The following RBFOX1 variants were observed in gnomAD, a reference collection of about 807,000 sequenced individuals.
RBFOX1 encodes RNA binding fox-1 homolog 1, also known as RNA binding protein fox-1 homolog 1.
Under a neutral mutation model 57.7 loss-of-function variants are expected in RBFOX1, and 8 were observed. The observed-to-expected ratio is 0.14, with a 90% confidence interval of 0.08 to 0.25. The LOEUF is 0.25. Ranked by LOEUF, RBFOX1 falls within the 10% of genes least tolerant of loss-of-function variation. RBFOX1 has a pLI of 1.00. For synonymous variants in RBFOX1, 326 were observed against 222.4 expected, an observed-to-expected ratio of 1.47 and a Z score of -4.15; for missense variants, 611 against 548.5, an observed-to-expected ratio of 1.11 and a Z score of -1.14.
chr16:6,410,202 G>C (rs1211376506), intron 2 of RBFOX1, among the ~76,000 whole-genome samples: 1 of 142,998 alleles, frequency 7.0e-6, no homozygotes, highest in East Asian at 2.0e-4. Context: ...GTGTGTGTGT[G>C]TGCTGGTGCA....
At chr16:5,794,729 G>C (rs1459771385) in intron 3 of RBFOX1, among the ~76,000 whole-genome samples, 4 of 152,142 alleles carry the variant, frequency 2.6e-5, no homozygotes, top group Non-Finnish European at 4.4e-5. Context: ...AAATAAAGCT[G>C]AGGTTCCTAA....
intron 3 of RBFOX1, among the ~76,000 whole-genome samples, chr16:7,035,724 C>A (rs568749038): frequency 1.3e-3 from 196 of 152,264 alleles, no homozygotes; most frequent in African/African-American, 4.6e-3. Context: ...AAATTGCTAG[C>A]AATTAACATG....
chr16:7,455,798 AAAAG>A, intron 4 of RBFOX1, among the ~76,000 whole-genome samples: 1 of 150,858 alleles, frequency 6.6e-6, no homozygotes, highest in Non-Finnish European at 1.5e-5. Flanking sequence ...AAAAAAAAAA[AAAAG>A]AAAAAAAAGA....
At chr16:7,321,017 G>A (rs2096534747) in intron 4 of RBFOX1, among the ~76,000 whole-genome samples, 1 of 151,720 alleles carries the variant, frequency 6.6e-6, no homozygotes, top group East Asian at 1.9e-4. Context: ...ATAAAAATAA[G>A]TACTTTTTAT....
chr16:6,390,860 A>C (rs1433509993), intron 2 of RBFOX1, among the ~76,000 whole-genome samples: 1 of 152,096 alleles, frequency 6.6e-6, no homozygotes, highest in Non-Finnish European at 1.5e-5. Flanking sequence ...CCAGGGTTGC[A>C]TTTTAGTGGA....
chr16:6,958,037 T>C (rs2082229489), intron 3 of RBFOX1, among the ~76,000 whole-genome samples: 1 of 152,102 alleles, frequency 6.6e-6, no homozygotes, highest in African/African-American at 2.4e-5. Flanking sequence ...CCAGGAGGCA[T>C]GGTTCATCGA....
At chr16:6,603,284 A>G (rs1414818316) in intron 2 of RBFOX1, among the ~76,000 whole-genome samples, 1 of 152,300 alleles carries the variant, frequency 6.6e-6, no homozygotes. Context: ...GGCAGCCCAC[A>G]TTGCCAGAGC....
chr16:6,122,660 C>A (rs1487975152), intron 1 of RBFOX1, among the ~76,000 whole-genome samples: 1 of 152,024 alleles, frequency 6.6e-6, no homozygotes, highest in Non-Finnish European at 1.5e-5. Flanking sequence ...TGAGTCAGCA[C>A]CCTGGGGCTC....
At chr16:5,514,102 C>A (rs74004356) in intron 2 of RBFOX1, among the ~76,000 whole-genome samples, 4 of 152,138 alleles carry the variant, frequency 2.6e-5, no homozygotes, top group Non-Finnish European at 5.9e-5. Flanking sequence ...TGTCTAATCA[C>A]GTTAGGTAAT....
Position 6,113,757 on chromosome 16 carries a change from A to G in RBFOX1, c.-127+93765A>G, listed in dbSNP as rs565849913. Among the ~76,000 whole-genome samples the G allele has an allele frequency of 5.9e-5, 9 of 152,340 alleles. No homozygotes were observed. The South Asian group carries it at 1.9e-3, about 32-fold the overall frequency. On this transcript the variant is annotated intron_variant, in intron 1 of 15. Coordinates refer to ENST00000550418, the MANE Select transcript of RBFOX1 (RefSeq NM_018723.4). ...AGTGGCAGAATGCCTAGCATGTAAC[A>G]TACACTCTAGAAATGTTTGTTGTCT... is the stretch of plus-strand genomic sequence containing the variant.
intron 1 of RBFOX1, among the ~76,000 whole-genome samples, chr16:6,138,435 A>G (rs760329963): frequency 7.9e-5 from 12 of 152,182 alleles, no homozygotes; most frequent in African/African-American, 1.2e-4. Context: ...ACTGGTATAG[A>G]TCTACTTCCC....
rs187504980 is a variant in RBFOX1, at chr16:7,513,855, G to C, written c.28-4292G>C. Among the ~76,000 whole-genome samples the C allele has an allele frequency of 5.9e-5, 9 of 152,278 alleles. No homozygotes were observed. The East Asian group carries it at 1.7e-3, about 29-fold the overall frequency. On this transcript the variant is annotated intron_variant, in intron 4 of 15. Transcript: ENST00000550418. ...AGCCTGTGTGCCTGTGAGTTTACAGGTCAAAGATCTGCGGATGGAAAGTAA... is the reference window on the plus strand; with the variant it reads ...AGCCTGTGTGCCTGTGAGTTTACAGCTCAAAGATCTGCGGATGGAAAGTAA...
At chr16:7,699,361 T>A (rs2079890237) in intron 14 of RBFOX1, among the ~76,000 whole-genome samples, 1 of 152,278 alleles carries the variant, frequency 6.6e-6, no homozygotes, top group Non-Finnish European at 1.5e-5. Flanking sequence ...CCAGCTGATA[T>A]CTTAATTTTT....
chr16:5,399,464 C>G (rs1378621210), intron 1 of RBFOX1, among the ~76,000 whole-genome samples: 2 of 152,070 alleles, frequency 1.3e-5, no homozygotes, highest in Admixed American at 6.6e-5. Context: ...CTTAATCACC[C>G]CATTGGGAGA....
At chr16:7,114,408 T>A (rs1185588077) in intron 4 of RBFOX1, among the ~76,000 whole-genome samples, 1 of 152,202 alleles carries the variant, frequency 6.6e-6, no homozygotes, top group African/African-American at 2.4e-5. Flanking sequence ...ATATGCTCAC[T>A]GTACCCTTTA....
At chr16:6,783,514 C>G (rs559283711) in intron 3 of RBFOX1, among the ~76,000 whole-genome samples, 91 of 150,644 alleles carry the variant, frequency 6.0e-4, no homozygotes, top group Non-Finnish European at 1.2e-3. Flanking sequence ...AAAGAAAAAA[C>G]ATTAAAAAGG....
intron 3 of RBFOX1, among the ~76,000 whole-genome samples, chr16:6,835,896 A>G (rs2093061426): frequency 6.6e-6 from 1 of 152,108 alleles, no homozygotes; most frequent in Admixed American, 6.6e-5. Flanking sequence ...TATGGTTGCC[A>G]AAGAAAGAGA....
Position 6,056,207 on chromosome 16 carries a change from C to T in RBFOX1, c.-127+36215C>T, listed in dbSNP as rs117476257. 3.3e-4 allele frequency among the ~76,000 whole-genome samples: 50 copies of T among 152,214 alleles called. No individual in the cohort carries two copies. The East Asian group carries it at 8.7e-3, about 26-fold the overall frequency. On this transcript the variant is annotated intron_variant, in intron 1 of 15. Transcript: ENST00000550418. ...CTCTAATCTCCTTACACTGTGGTCT[C>T]GCCTGAGGATTTGCATATTATGGAC... is the stretch of plus-strand genomic sequence containing the variant.
At chr16:5,797,997 A>C (rs1353305400) in intron 3 of RBFOX1, among the ~76,000 whole-genome samples, 1 of 152,184 alleles carries the variant, frequency 6.6e-6, no homozygotes, top group Non-Finnish European at 1.5e-5. Flanking sequence ...GTATGCACCT[A>C]CTGTGTGCGA....
Sources: allele counts gnomAD v4.1 joint callset (sites outside exome capture counted in the v4.1 genomes callset), GRCh38; gene constraint gnomAD v4.1.1; transcripts MANE v1.5; gene names NCBI Gene and HGNC (gene_info 2026-07-23, HGNC 2026-07-21).